GATA4: variants seen among roughly 807,000 people sequenced by gnomAD.
GATA4 encodes GATA binding protein 4, also known as transcription factor GATA-4.
GATA4 carries 7 observed loss-of-function variants against 37.9 expected under a neutral mutation model. The ratio of observed to expected loss-of-function variants is 0.18; its 90% confidence interval spans 0.11 to 0.35. The LOEUF is 0.35. GATA4 is among the 10% of genes least tolerant of loss of function. The probability of loss-of-function intolerance (pLI) is 1.00; values close to 1 mark genes in which losing one functional copy is unlikely to be tolerated. For missense variants in GATA4, 647 were observed against 653.0 expected, an observed-to-expected ratio of 0.99 and a Z score of 0.10; for synonymous variants, 372 against 292.6, an observed-to-expected ratio of 1.27 and a Z score of -2.77.
intron 2 of GATA4, among the ~76,000 whole-genome samples, chr8:11,734,598 T>C (rs890350248): frequency 1.2e-4 from 18 of 152,242 alleles, no homozygotes; most frequent in African/African-American, 4.3e-4. Context: ...GCAATTCTCC[T>C]GCCTCAGCCT....
upstream of GATA4, among the ~76,000 whole-genome samples, chr8:11,689,737 G>A (rs140396033): frequency 2.0e-3 from 299 of 152,320 alleles, 2 homozygotes; most frequent in African/African-American, 7.0e-3. Flanking sequence ...TGCCCTGCAA[G>A]GGGTGTGGGC....
chr8:11,757,533 C>T (rs1585704796), intron 6 of GATA4, among the ~76,000 whole-genome samples: 1 of 152,228 alleles, frequency 6.6e-6, no homozygotes, highest in Non-Finnish European at 1.5e-5. Flanking sequence ...AAGTCTGCCT[C>T]CTACGTGCAG....
rs538782265 is a variant in GATA4, at chr8:11,683,069, C to G, written c.-274+6006C>G. The stretch of plus-strand genomic sequence containing the variant: ...GACAGCTCTCTGGTGTCTCTTACCC[C>G]CTAGGTTTTCCCAGCCTTCTCGCCG... On this transcript the variant is annotated intron_variant, in intron 1 of 6. Transcript: ENST00000528712. 570 of 985,302 alleles carry G rather than the reference C, an allele frequency of 5.8e-4. 3 individuals are homozygous for G. The African/African-American group carries it at 8.4e-3, about 14-fold the overall frequency. The allele number at this position is 985,302 out of a possible 1,614,324, so 61.0% of individuals were successfully genotyped here.
chr8:11,713,339 C>T (rs796430662), intron 2 of GATA4, among the ~76,000 whole-genome samples: 6 of 152,216 alleles, frequency 3.9e-5, no homozygotes, highest in African/African-American at 1.4e-4. Flanking sequence ...AGGGCAGGTA[C>T]AGAGTCTTAC....
chr8:11,697,745 CAGGTCGCGGCG>C (rs1214693189), intron 1 of GATA4: 15 of 985,366 alleles, frequency 1.5e-5, no homozygotes, highest in African/African-American at 1.7e-5. Context: ...CTCGCCGCGC[CAGGTCGCGGCG>C]CCTGCCTGGG....
intron 1 of GATA4, among the ~76,000 whole-genome samples, chr8:11,686,194 C>T (rs1447535393): frequency 1.4e-5 from 2 of 147,222 alleles, no homozygotes; most frequent in Admixed American, 6.8e-5. Context: ...AGGAGACCTT[C>T]AAAAGATCTT....
Position 11,709,051 on chromosome 8 carries a change from C to A in GATA4, c.616+123C>A. The A allele has an allele frequency of 9.9e-7, 1 of 1,011,898 alleles. No homozygotes were observed. Among genetic ancestry groups the A allele is most frequent in the Non-Finnish European group, 1.3e-6 (1 of 744,044 alleles). The allele number at this position is 1,011,898 out of a possible 1,614,324, so 62.7% of individuals were successfully genotyped here. ...TGGGCTGGGGATGGTGCTTCACTACCTCGAGTTTCTAGGGAAGGCAGAAGC... is the reference window on the plus strand; with the variant it reads ...TGGGCTGGGGATGGTGCTTCACTACATCGAGTTTCTAGGGAAGGCAGAAGC... On this transcript the variant is annotated intron_variant, in intron 2 of 6. Coordinates refer to ENST00000532059, the MANE Select transcript of GATA4 (RefSeq NM_001308093.3). This position sits in a 1 kb window ranked among gnomAD's most constrained non-coding sequence, Gnocchi z 4.3.
chr8:11,681,369 C>G (rs60668163), intron 1 of GATA4: 446,447 of 984,968 alleles, frequency 0.45, 103,107 homozygotes, highest in East Asian at 0.85. Context: ...CCCCCTAGGT[C>G]TCATAAAAAC....
At chr8:11,711,747 CAAAAAAAAAAAA>C (rs71205018) in intron 2 of GATA4, among the ~76,000 whole-genome samples, 2 of 56,864 alleles carry the variant, frequency 3.5e-5, no homozygotes, top group South Asian at 6.7e-4. Flanking sequence ...GACCCTCTCT[CAAAAAAAAAAAA>C]AAAAAAAAAA....
In GATA4 at chr8:11,758,217, C is replaced by T. The variant is rs562262572; in HGVS notation, c.1150-76C>T. 5.5e-6 allele frequency: 8 copies of T among 1,462,718 alleles called. No individual in the cohort carries two copies. In the East Asian group the frequency reaches 9.0e-5, roughly 17 times the overall value. 90.6% of individuals were successfully genotyped at this position (1,462,718 alleles called of 1,614,324 possible). A position where few individuals can be genotyped will look rare whatever the true frequency, so the allele number is the denominator to read the frequency against. ...TCCTGGGGACATCTGCATAGCAGGG[C>T]ACCCTCCCCAGCCTAGACCTCCCAA... On this transcript the variant is annotated intron_variant, in intron 6 of 6. Transcript: ENST00000532059.
chr8:11,756,811 C>T, intron 5 of GATA4, 124 bp from the exon 6 acceptor site: 2 of 1,316,914 alleles, frequency 1.5e-6, no homozygotes, highest in Non-Finnish European at 2.2e-6. Flanking sequence ...AGGACCTCTG[C>T]TGCTGTCCCC....
chr8:11,744,198 A>G (rs765040453), intron 2 of GATA4, among the ~76,000 whole-genome samples: 1 of 152,158 alleles, frequency 6.6e-6, no homozygotes, highest in African/African-American at 2.4e-5. Flanking sequence ...TCCAATAACC[A>G]GCGCCAAAGT....
intron 2 of GATA4, among the ~76,000 whole-genome samples, chr8:11,744,381 C>G (rs541893032): frequency 6.6e-6 from 1 of 152,224 alleles, no homozygotes; most frequent in African/African-American, 2.4e-5. Context: ...TTCCTCCAAA[C>G]GTGGGTGATG....
chr8:11,692,886 C>G (rs1799366712), intron 1 of GATA4: 1 of 982,628 alleles, frequency 1.0e-6, no homozygotes, highest in Admixed American at 6.2e-5. Context: ...CGCCGCCCGC[C>G]GCCCCGCGCT....
intron 1 of GATA4, among the ~76,000 whole-genome samples, chr8:11,706,219 C>T (rs1799882762): frequency 1.3e-5 from 2 of 152,124 alleles, no homozygotes; most frequent in Non-Finnish European, 2.9e-5. Context: ...TAATACAATA[C>T]AGTACTATTC....
At chr8:11,745,648 C>T (rs922254627) in intron 2 of GATA4, among the ~76,000 whole-genome samples, 17 of 151,978 alleles carry the variant, frequency 1.1e-4, no homozygotes, top group African/African-American at 4.1e-4. Flanking sequence ...TCCATTCCTG[C>T]ATATAAAACA....
At chr8:11,700,009 A>C (rs1358563794), upstream of GATA4, among the ~76,000 whole-genome samples, 2 of 152,242 alleles carry the variant, frequency 1.3e-5, no homozygotes, top group African/African-American at 4.8e-5. Flanking sequence ...CTAGACCTGC[A>C]GTTTCGCCCT....
chr8:11,695,179 G>A (rs558464178), intron 1 of GATA4, among the ~76,000 whole-genome samples: 169 of 152,312 alleles, frequency 1.1e-3, no homozygotes, highest in African/African-American at 3.5e-3. Context: ...GCCGAGAGGG[G>A]TGGATCACCT....
upstream of GATA4, among the ~76,000 whole-genome samples, chr8:11,700,186 A>T (rs1315879482): frequency 1.3e-5 from 2 of 152,236 alleles, no homozygotes; most frequent in East Asian, 3.8e-4. Context: ...GTGACTATAA[A>T]ATATGAGAGG....
Sources: gnomAD v4.1 joint callset for allele counts (sites outside exome capture counted in the v4.1 genomes callset) on GRCh38, gnomAD v4.1.1 for gene constraint, Gnocchi (gnomAD v3.1) non-coding constraint, MANE v1.5 for transcripts, NCBI Gene and HGNC (gene_info 2026-07-23, HGNC 2026-07-21) for gene names.